ADAMTS16: variants seen among roughly 807,000 people sequenced by gnomAD.
ADAMTS16 encodes the protein ADAM metallopeptidase with thrombospondin type 1 motif 16.
Under a neutral mutation model 145.8 loss-of-function variants are expected in ADAMTS16, and 94 were observed. That is an observed-to-expected ratio of 0.64 (90% CI 0.55 to 0.77). The LOEUF is 0.77. ADAMTS16 is among the 30% of genes least tolerant of loss of function. ADAMTS16 has a pLI of 0.00. For synonymous variants in ADAMTS16, 659 were observed against 604.3 expected (o/e 1.09, Z -1.33); for missense variants, 1,585 against 1,591.5 (o/e 1.00, Z 0.07).
chr5:5,286,421 A>T (rs1449214294), intron 18 of ADAMTS16, among the ~76,000 whole-genome samples: 1 of 152,212 alleles, frequency 6.6e-6, no homozygotes, highest in Non-Finnish European at 1.5e-5. Context: ...CATTTTCAAC[A>T]TGATTCATTT....
intron 11 of ADAMTS16, 90 bp downstream of exon 11, chr5:5,222,974 A>G (rs899518682): frequency 2.5e-5 from 29 of 1,161,728 alleles, no homozygotes; most frequent in East Asian, 4.7e-5. Flanking sequence ...GTATTTTTAA[A>G]ACATGTATTT....
chr5:5,172,912 G>C (rs1047721658), intron 3 of ADAMTS16, among the ~76,000 whole-genome samples: 2 of 152,036 alleles, frequency 1.3e-5, no homozygotes, highest in African/African-American at 4.8e-5. Context: ...GCAATATTGA[G>C]TGCATATATA....
At chr5:5,234,970 GC>G (rs760470548) in intron 12 of ADAMTS16, 43 bp from the exon 13 acceptor site, 13 of 1,460,046 alleles carry the variant, frequency 8.9e-6, no homozygotes, top group African/African-American at 1.4e-5. Context: ...GAATTTAGTA[GC>G]TACTAAAATA....
At chr5:5,217,700 A>G (rs1359300453) in intron 10 of ADAMTS16, among the ~76,000 whole-genome samples, 5 of 152,218 alleles carry the variant, frequency 3.3e-5, no homozygotes, top group Non-Finnish European at 5.9e-5. Flanking sequence ...TTTTGTGAAC[A>G]TAACTCTTAA....
At chr5:5,212,799 T>C (rs1242363399) in intron 10 of ADAMTS16, among the ~76,000 whole-genome samples, 1 of 152,222 alleles carries the variant, frequency 6.6e-6, no homozygotes, top group African/African-American at 2.4e-5. Flanking sequence ...AATTATATAG[T>C]AGATTTCAAT....
intron 18 of ADAMTS16, among the ~76,000 whole-genome samples, chr5:5,285,991 A>G (rs1276511907): frequency 2.0e-5 from 3 of 152,214 alleles, no homozygotes; most frequent in Non-Finnish European, 4.4e-5. Flanking sequence ...TAGACTTTGC[A>G]TCATAGTGGC....
At chr5:5,211,584 C>T (rs977948604) in intron 10 of ADAMTS16, among the ~76,000 whole-genome samples, 2 of 151,964 alleles carry the variant, frequency 1.3e-5, no homozygotes, top group African/African-American at 2.4e-5. Flanking sequence ...TTATTATATT[C>T]CAAGGCTAGT....
Position 5,317,215 on chromosome 5 carries a change from G to A in ADAMTS16, c.3412-919G>A, listed in dbSNP as rs939265460. Among the ~76,000 whole-genome samples the A allele has an allele frequency of 2.7e-4, 41 of 152,274 alleles. No individual in the cohort carries two copies. Among genetic ancestry groups the A allele is most frequent in the African/African-American group, 7.9e-4 (33 of 41,560 alleles). On this transcript the variant is annotated intron_variant, in intron 21 of 22. Transcript: ENST00000274181. The surrounding 1 kb of genome is among the most constrained non-coding windows in gnomAD (Gnocchi z 4.5). ...CAGCAACCGTGTTCTCTGAAATACC[G>A]TAAATAGAAACCAAGATGTTAAGTC...
chr5:5,297,073 G>A (rs1201542759), intron 18 of ADAMTS16, among the ~76,000 whole-genome samples: 1 of 152,214 alleles, frequency 6.6e-6, no homozygotes, highest in Non-Finnish European at 1.5e-5. Context: ...GGGACTGGCA[G>A]TAAAATGTGC....
intron 3 of ADAMTS16, among the ~76,000 whole-genome samples, chr5:5,164,867 G>C (rs189487919): frequency 0.019 from 2,882 of 152,082 alleles, 45 homozygotes; most frequent in Non-Finnish European, 0.026. Flanking sequence ...TAGTAGAGAC[G>C]GGGTTTTGCC....
chr5:5,168,341 T>G (rs1734938360), intron 3 of ADAMTS16, among the ~76,000 whole-genome samples: 1 of 136,336 alleles, frequency 7.3e-6, no homozygotes, highest in Non-Finnish European at 1.6e-5. Flanking sequence ...TACGTCTTTA[T>G]TTATCCGAAA....
intron 17 of ADAMTS16, among the ~76,000 whole-genome samples, chr5:5,247,004 G>A (rs1272691056): frequency 2.0e-5 from 3 of 152,172 alleles, no homozygotes; most frequent in East Asian, 1.9e-4. Flanking sequence ...CAGTTGGGAC[G>A]CCTGTCTTCC....
intron 3 of ADAMTS16, among the ~76,000 whole-genome samples, chr5:5,159,820 TA>T (rs763546598): frequency 3.3e-5 from 5 of 152,226 alleles, no homozygotes; most frequent in Non-Finnish European, 7.3e-5. Context: ...GAAAGTTGTC[TA>T]TTCCCAACAC....
intron 18 of ADAMTS16, among the ~76,000 whole-genome samples, chr5:5,288,163 T>C (rs1436408213): frequency 6.6e-6 from 1 of 152,162 alleles, no homozygotes; most frequent in Non-Finnish European, 1.5e-5. Context: ...AATGGGAAAC[T>C]GACAGTGTTC....
intron 3 of ADAMTS16, among the ~76,000 whole-genome samples, chr5:5,167,745 C>A (rs886764235): frequency 6.6e-6 from 1 of 152,234 alleles, no homozygotes; most frequent in African/African-American, 2.4e-5. Context: ...CAGAGCCTTG[C>A]TCTCCACAAG....
intron 9 of ADAMTS16, among the ~76,000 whole-genome samples, chr5:5,208,777 G>A (rs1364792959): frequency 6.6e-6 from 1 of 152,140 alleles, no homozygotes; most frequent in Non-Finnish European, 1.5e-5. Context: ...TCCATCATAA[G>A]AGCTTCTCAT....
chr5:5,294,753 G>A (rs1395226530), intron 18 of ADAMTS16, among the ~76,000 whole-genome samples: 1 of 152,292 alleles, frequency 6.6e-6, no homozygotes, highest in Middle Eastern at 3.4e-3. Flanking sequence ...GATTTGGTGG[G>A]ATCAGGAAAA....
Position 5,226,426 on chromosome 5 carries a change from C to T in ADAMTS16, c.1701+3542C>T, listed in dbSNP as rs572803288. Among the ~76,000 whole-genome samples, 6 of 152,216 alleles carry T rather than the reference C, an allele frequency of 3.9e-5. No individual in the cohort carries two copies. The South Asian group carries it at 1.2e-3, about 32-fold the overall frequency. On this transcript the variant is annotated intron_variant, in intron 11 of 22. Coordinates refer to ENST00000274181, the MANE Select transcript of ADAMTS16 (RefSeq NM_139056.4). ...GTCATGAGAACAGCATGGGAAAGAC[C>T]CGCCCCCATGATTCAATTACCTCCT...
intron 17 of ADAMTS16, among the ~76,000 whole-genome samples, chr5:5,251,548 C>T (rs1030012747): frequency 6.6e-6 from 1 of 152,160 alleles, no homozygotes; most frequent in Admixed American, 6.5e-5. Flanking sequence ...GTTGGGAAAA[C>T]CCTGACTACA....
Sources: gnomAD v4.1 joint callset for allele counts (sites outside exome capture counted in the v4.1 genomes callset) on GRCh38, gnomAD v4.1.1 for gene constraint, Gnocchi (gnomAD v3.1) non-coding constraint, MANE v1.5 for transcripts, NCBI Gene and HGNC (gene_info 2026-07-23, HGNC 2026-07-21) for gene names.